SMTN: variants seen among roughly 807,000 people sequenced by gnomAD.
SMTN encodes smoothelin.
In SMTN, 58 loss-of-function variants were observed where a neutral mutation model predicts 102.0. That is an observed-to-expected ratio of 0.57 (90% CI 0.46 to 0.71). The LOEUF is 0.71. Among genes scored for constraint, SMTN ranks in the 30% least tolerant of loss-of-function variants. The pLI, the probability that SMTN is intolerant of heterozygous loss-of-function variation, is 0.00. For synonymous variants in SMTN, 478 were observed against 497.9 expected, an observed-to-expected ratio of 0.96 and a Z score of 0.53; for missense variants, 1,185 against 1,241.7, an observed-to-expected ratio of 0.95 and a Z score of 0.69.
chr22:31,088,104 A>G lies in SMTN; in HGVS notation c.191A>G (p.Asn64Ser). The part of the protein sequence containing the change: ...FRAERQDNKE[N>S]WLHSQQREAE... ...GCCGAGCGGCAGGACAACAAGGAGA[A>G]CTGGCTGCAGTGAGTAGCGGGGGGT... The change falls in exon 3 of 21, where the codon AAC becomes AGC. Residue 64 changes from asparagine (N) to serine (S), a missense_variant. Physicochemically the swap from Asn to Ser is conservative, Grantham distance 46 (BLOSUM62 1). This residue lies in a region of SMTN where 1,096 missense variants were observed against 1,112.7 expected (regional missense o/e 0.98). Transcript: ENST00000333137. 1 of 1,601,958 alleles carries G rather than the reference A, an allele frequency of 6.2e-7. No individual in the cohort carries two copies. Among genetic ancestry groups the G allele is most frequent in the East Asian group, 2.2e-5 (1 of 44,608 alleles).
chr22:31,086,274 C>T (rs1242364943), intron 2 of SMTN, among the ~76,000 whole-genome samples: 2 of 152,244 alleles, frequency 1.3e-5, no homozygotes, highest in East Asian at 1.9e-4. Context: ...TATCTTCAGC[C>T]TAGGGCAGGC....
chr22:31,089,704 A>G lies in SMTN; in HGVS notation c.477A>G (p.Pro159=). 3 of 1,596,494 alleles carry G rather than the reference A, an allele frequency of 1.9e-6. No individual in the cohort carries two copies. Among genetic ancestry groups the G allele is most frequent in the Non-Finnish European group, 2.6e-6 (3 of 1,175,652 alleles). Reference sequence around the variant, plus strand: ...ATCCTGTGGGTCCCTTACAGGTGCCAGAGCGAGAGGAACAGGAACAGCAGG... The same window carrying G: ...ATCCTGTGGGTCCCTTACAGGTGCCGGAGCGAGAGGAACAGGAACAGCAGG... The part of the protein sequence containing the change: ...AAHRLEQCEV[P]EREEQEQQAE... Residue 159 remains proline (P), a synonymous_variant, in exon 7 of 21, where the codon CCA becomes CCG. Coordinates refer to ENST00000333137, the MANE Select transcript of SMTN (RefSeq NM_134269.3).
At chr22:31,097,605 G>A (rs1394549591) in intron 16 of SMTN, among the ~76,000 whole-genome samples, 1 of 152,088 alleles carries the variant, frequency 6.6e-6, no homozygotes, top group African/African-American at 2.4e-5. Flanking sequence ...TGGGGAGGCC[G>A]AGGCACAAGA....
intron 1 of SMTN, among the ~76,000 whole-genome samples, chr22:31,070,055 CT>C (rs1381678013): frequency 6.6e-6 from 1 of 152,140 alleles, no homozygotes; most frequent in East Asian, 1.9e-4. Flanking sequence ...AGCAGGCCAC[CT>C]GTGCAGAGAC....
intron 1 of SMTN, among the ~76,000 whole-genome samples, chr22:31,072,682 G>A (rs1469965492): frequency 1.3e-5 from 2 of 152,050 alleles, no homozygotes; most frequent in Admixed American, 6.6e-5. Context: ...GGCTAGTCTC[G>A]AACTCCTGAC....
chr22:31,094,679 T>G (rs2043430061), intron 11 of SMTN, among the ~76,000 whole-genome samples: 1 of 151,748 alleles, frequency 6.6e-6, no homozygotes, highest in South Asian at 2.1e-4. Flanking sequence ...TTTTTTTTTT[T>G]TTTCCGGTCT....
chr22:31,098,887 G>A (rs1206133436), intron 17 of SMTN, 47 bp downstream of exon 17: 25 of 1,457,450 alleles, frequency 1.7e-5, no homozygotes, highest in Non-Finnish European at 2.2e-5. Context: ...GGCGTGATAG[G>A]CAGTGGGGGG....
chr22:31,077,397 A>AAC (rs1355570224), upstream of SMTN, among the ~76,000 whole-genome samples: 1 of 5,226 alleles, frequency 1.9e-4, no homozygotes, highest in Non-Finnish European at 3.0e-4. Context: ...AAACAAAACA[A>AAC]AAAAAAAAAC....
chr22:31,099,834 C>T lies in SMTN; in HGVS notation c.2541C>T (p.Asp847=), dbSNP rs1387328025. 2 of 1,614,008 alleles carry T rather than the reference C, an allele frequency of 1.2e-6. No individual in the cohort carries two copies. Among genetic ancestry groups the T allele is most frequent in the African/African-American group, 1.3e-5 (1 of 74,922 alleles). Residue 847 remains aspartate (D), a synonymous_variant, in exon 19 of 21, where the codon GAC becomes GAT. Coordinates refer to ENST00000333137, the MANE Select transcript of SMTN (RefSeq NM_134269.3). ...ACAACTTCTTCCCTGAGGCCTTCGA[C>T]TATGGGCAGCTTAGCCCTCAGAACC... ...LVHNFFPEAF[D]YGQLSPQNRR...
chr22:31,074,598 T>C (rs933867945), intron 1 of SMTN, among the ~76,000 whole-genome samples: 8 of 152,206 alleles, frequency 5.3e-5, no homozygotes, highest in African/African-American at 1.9e-4. Flanking sequence ...AAGACTAGCC[T>C]GGACAACATG....
In SMTN at chr22:31,098,667, C is replaced by G; in HGVS notation, c.2160C>G (p.Ser720Arg). 3.7e-6 allele frequency: 6 copies of G among 1,613,200 alleles called. No homozygotes were observed. The highest frequency in any genetic ancestry group is 5.1e-6 in the Non-Finnish European group (6 of 1,179,746). ...TAACATGCGCCTCCCCAACCCCTAG[C>G]ATCTTCGACCGCGAGGACCAGGCCA... Reference protein sequence around the residue: ...SSSSSSKKMGSIFDREDQASP... With the variant: ...SSSSSSKKMGRIFDREDQASP... Residue 720 changes from serine (S) to arginine (R), a missense_variant and splice_region_variant, in exon 17 of 21, where the codon AGC becomes AGG. By Grantham distance (110) the Ser-to-Arg change is moderately radical (BLOSUM62 -1). This residue lies in a region of SMTN where 1,096 missense variants were observed against 1,112.7 expected (regional missense o/e 0.98). Transcript: ENST00000333137.
chr22:31,090,432 A>G (rs1168145630), intron 8 of SMTN, among the ~76,000 whole-genome samples: 3 of 151,808 alleles, frequency 2.0e-5, no homozygotes, highest in Non-Finnish European at 2.9e-5. Flanking sequence ...CTTCTCCCCA[A>G]TAAGGGAGTC....
chr22:31,099,086 C>T lies in SMTN; in HGVS notation c.2358C>T (p.Ala786=). The change falls in exon 18 of 21, where the codon GCC becomes GCT. Residue 786 remains alanine, a synonymous_variant. Transcript: ENST00000333137. ...GCAGCCCTGGCGGACCCCGCGCAGC[C>T]GTGCAGCGATCCACCAGCTTCGGGG... ...AAGSPGGPRA[A]VQRSTSFGVP... 1 of 1,612,746 alleles carries T rather than the reference C, an allele frequency of 6.2e-7. No homozygotes were observed. The highest frequency in any genetic ancestry group is 8.5e-7 in the Non-Finnish European group (1 of 1,179,920).
In SMTN at chr22:31,069,470, T is replaced by C. The variant is rs117825799; in HGVS notation, c.-386+5283T>C. On this transcript the variant is annotated intron_variant, in intron 1 of 3. Transcript: ENST00000422839. ...TGTGAAGTTTCCAGATTTTTTAAAA[T>C]GTTAGAACGATGAATTCGAAAAGCT... Among the ~76,000 whole-genome samples, 1,165 of 152,334 alleles carry C rather than the reference T, an allele frequency of 7.6e-3. 2 individuals are homozygous for C. The highest frequency in any genetic ancestry group is 0.011 in the Non-Finnish European group (743 of 68,036).
chr22:31,089,691 C>T lies in SMTN; in HGVS notation c.472-8C>T. ...GAGCCTTGGTTGCATCCTGTGGGTCCCTTACAGGTGCCAGAGCGAGAGGAA... is the reference window on the plus strand; with the variant it reads ...GAGCCTTGGTTGCATCCTGTGGGTCTCTTACAGGTGCCAGAGCGAGAGGAA... On this transcript the variant is annotated splice_region_variant and splice_polypyrimidine_tract_variant and intron_variant, in intron 6 of 20. Coordinates refer to ENST00000333137, the MANE Select transcript of SMTN (RefSeq NM_134269.3). The T allele has an allele frequency of 6.3e-7, 1 of 1,592,004 alleles. No individual in the cohort carries two copies. The highest frequency in any genetic ancestry group is 8.5e-7 in the Non-Finnish European group (1 of 1,173,760).
chr22:31,065,169 G>A (rs2041815165), intron 1 of SMTN: 1 of 152,058 alleles, frequency 6.6e-6, no homozygotes. Context: ...CAGATCAGGG[G>A]CTACTTTCTG....
rs1355759037 is a variant in SMTN at position 31,082,691 on chromosome 22, T to C, written c.-80-488T>C. 9 of 641,464 alleles carry C rather than the reference T, an allele frequency of 1.4e-5. No homozygotes were observed. The East Asian group carries it at 2.0e-4, about 14-fold the overall frequency. The allele number at this position is 641,464 out of a possible 1,614,324, so 39.7% of individuals were successfully genotyped here. On this transcript the variant is annotated intron_variant, in intron 1 of 20. Coordinates refer to ENST00000333137, the MANE Select transcript of SMTN (RefSeq NM_134269.3). The stretch of plus-strand genomic sequence containing the variant: ...AAGACACAGTGTACCTTCCTATACC[T>C]GGGGGAATGACAGTGGTGGTGGCAG...
chr22:31,087,833 G>A, intron 2 of SMTN, 132 bp from the exon 3 acceptor site: 2 of 984,558 alleles, frequency 2.0e-6, no homozygotes, highest in South Asian at 1.9e-5. Context: ...TGGGCAGGCA[G>A]GCACGTGAAG....
chr22:31,104,574 TCCC>T lies in SMTN; in HGVS notation c.*284_*286del. On this transcript the variant is annotated 3_prime_UTR_variant, in exon 21 of 21. Coordinates refer to ENST00000333137, the MANE Select transcript of SMTN (RefSeq NM_134269.3). ...CGCTGCCCTGTCTGTTGCGACACCC[TCCC>T]CCCCACATACACACGCAGCGTTTTG... The T allele has an allele frequency of 9.3e-7, 1 of 1,076,948 alleles. No homozygotes were observed. The highest frequency in any genetic ancestry group is 1.4e-6 in the Non-Finnish European group (1 of 725,662). The allele number at this position is 1,076,948 out of a possible 1,614,324, so 66.7% of individuals were successfully genotyped here.
Sources: gnomAD v4.1 joint callset for allele counts (sites outside exome capture counted in the v4.1 genomes callset) on GRCh38, gnomAD v4.1.1 for gene constraint, gnomAD v4.1.1 regional missense constraint, MANE v1.5 for transcripts, NCBI Gene and HGNC (gene_info 2026-07-23, HGNC 2026-07-21) for gene names.